The following SKAP1 variants were observed in gnomAD, a reference collection of about 807,000 sequenced individuals.
The protein encoded by SKAP1 is src kinase associated phosphoprotein 1.
Under a neutral mutation model 58.5 loss-of-function variants are expected in SKAP1, and 44 were observed. That is an observed-to-expected ratio of 0.75 (90% CI 0.59 to 0.97). SKAP1 has a LOEUF of 0.97. Ranked by LOEUF, SKAP1 falls within the 50% of genes least tolerant of loss-of-function variation. The pLI is 0.00. For missense variants in SKAP1, 390 were observed against 435.2 expected, an observed-to-expected ratio of 0.90 and a Z score of 0.92; for synonymous variants, 127 against 149.7, an observed-to-expected ratio of 0.85 and a Z score of 1.11.
chr17:48,385,624 T>C (rs1324839677), intron 2 of SKAP1, among the ~76,000 whole-genome samples: 1 of 151,596 alleles, frequency 6.6e-6, no homozygotes, highest in African/African-American at 2.4e-5. Flanking sequence ...AGGGGAGAGG[T>C]CTGAAGCAAG....
upstream of SKAP1, among the ~76,000 whole-genome samples, chr17:48,432,595 C>T (rs1178897529): frequency 2.0e-5 from 3 of 152,110 alleles, no homozygotes; most frequent in Non-Finnish European, 4.4e-5. Flanking sequence ...ATGAGGCATA[C>T]TAAAAAGCAA....
intron 3 of SKAP1, among the ~76,000 whole-genome samples, chr17:48,352,497 A>G (rs963216022): frequency 2.0e-4 from 31 of 152,182 alleles, no homozygotes; most frequent in African/African-American, 7.2e-4. Flanking sequence ...ATAATCTGGA[A>G]TTATTGGCTC....
chr17:48,331,021 G>T (rs1005521651), intron 4 of SKAP1, among the ~76,000 whole-genome samples: 5 of 152,104 alleles, frequency 3.3e-5, no homozygotes, highest in African/African-American at 1.2e-4. Flanking sequence ...AGTTTGGGGG[G>T]ATATTTATCA....
At chr17:48,384,913 C>T (rs911286309) in intron 2 of SKAP1, among the ~76,000 whole-genome samples, 6 of 152,048 alleles carry the variant, frequency 3.9e-5, no homozygotes, top group African/African-American at 1.5e-4. Context: ...TATGGACATG[C>T]ATGTAACTGC....
At chr17:48,211,038 G>A (rs2064865598) in intron 4 of SKAP1, among the ~76,000 whole-genome samples, 1 of 151,494 alleles carries the variant, frequency 6.6e-6, no homozygotes, top group African/African-American at 2.4e-5. Context: ...AGGAATGGGA[G>A]GGCACTTCAT....
chr17:48,231,605 G>T (rs959095524), intron 4 of SKAP1, among the ~76,000 whole-genome samples: 5 of 152,024 alleles, frequency 3.3e-5, no homozygotes, highest in African/African-American at 1.2e-4. Context: ...TGAAATATTT[G>T]AAGGGTTGTC....
intron 4 of SKAP1, among the ~76,000 whole-genome samples, chr17:48,335,458 G>A (rs1252137393): frequency 6.6e-6 from 1 of 151,856 alleles, no homozygotes; most frequent in East Asian, 1.9e-4. Context: ...ATAATTTTTT[G>A]CTACCTGTAA....
chr17:48,324,337 A>G (rs1361301516), intron 4 of SKAP1, among the ~76,000 whole-genome samples: 1 of 152,110 alleles, frequency 6.6e-6, no homozygotes, highest in East Asian at 1.9e-4. Context: ...AATTTATTAA[A>G]CCAATCCCAT....
upstream of SKAP1, among the ~76,000 whole-genome samples, chr17:48,431,333 G>C (rs943479811): frequency 9.2e-5 from 14 of 152,164 alleles, no homozygotes; most frequent in Non-Finnish European, 2.9e-5. Flanking sequence ...AAAATAAAAA[G>C]AAGTGCCAGT....
At chr17:48,320,680 G>A (rs527314613) in intron 4 of SKAP1, among the ~76,000 whole-genome samples, 6 of 152,240 alleles carry the variant, frequency 3.9e-5, no homozygotes, top group East Asian at 1.9e-4. Flanking sequence ...TTTGGGAGCC[G>A]AGGCAGAAGG....
intron 4 of SKAP1, among the ~76,000 whole-genome samples, chr17:48,285,498 T>G (rs970022135): frequency 6.6e-6 from 1 of 151,780 alleles, no homozygotes; most frequent in Non-Finnish European, 1.5e-5. Flanking sequence ...GCGTGTAATC[T>G]CAACTACTCA....
At chr17:48,167,479 T>G (rs951190516) in intron 10 of SKAP1, among the ~76,000 whole-genome samples, 1 of 152,220 alleles carries the variant, frequency 6.6e-6, no homozygotes, top group African/African-American at 2.4e-5. Flanking sequence ...CCTCTGTGGT[T>G]TCCCTTTGTT....
At chr17:48,146,154 G>A (rs1035761682) in intron 11 of SKAP1, among the ~76,000 whole-genome samples, 7 of 151,994 alleles carry the variant, frequency 4.6e-5, no homozygotes, top group African/African-American at 1.7e-4. Flanking sequence ...CCCAGGGTGG[G>A]TATCCTCGCG....
chr17:48,243,220 T>C (rs1308132852), intron 4 of SKAP1, among the ~76,000 whole-genome samples: 1 of 152,136 alleles, frequency 6.6e-6, no homozygotes, highest in African/African-American at 2.4e-5. Context: ...AATTCTCTGG[T>C]GAAAAATGCT....
chr17:48,419,764 G>A (rs148809779), intron 1 of SKAP1, among the ~76,000 whole-genome samples: 302 of 151,678 alleles, frequency 2.0e-3, no homozygotes, highest in Admixed American at 3.7e-3. Flanking sequence ...ATGTGCCATT[G>A]GATATATTTT....
chr17:48,281,781 C>T (rs182534214), intron 4 of SKAP1, among the ~76,000 whole-genome samples: 8 of 151,780 alleles, frequency 5.3e-5, no homozygotes, highest in Admixed American at 3.9e-4. Flanking sequence ...AAATATATGC[C>T]ATTAGGCATG....
chr17:48,176,037 G>GTCCT (rs2064285298), intron 9 of SKAP1, among the ~76,000 whole-genome samples: 1 of 152,056 alleles, frequency 6.6e-6, no homozygotes, highest in Non-Finnish European at 1.5e-5. Context: ...CCTTCCTGTG[G>GTCCT]GTCTGAACAA....
chr17:48,260,706 C>T (rs1598481554), intron 4 of SKAP1, among the ~76,000 whole-genome samples: 1 of 152,216 alleles, frequency 6.6e-6, no homozygotes, highest in East Asian at 1.9e-4. Context: ...AAGTTAATGA[C>T]ATTATTTATA....
chr17:48,400,203 A>G (rs1368854871), intron 1 of SKAP1, among the ~76,000 whole-genome samples: 2 of 151,400 alleles, frequency 1.3e-5, no homozygotes, highest in African/African-American at 4.9e-5. Context: ...GGTTCAAGCA[A>G]TTCTCTTGCC....
Sources: allele counts gnomAD v4.1 joint callset (sites outside exome capture counted in the v4.1 genomes callset), GRCh38; gene constraint gnomAD v4.1.1; transcripts MANE v1.5; gene names NCBI Gene and HGNC (gene_info 2026-07-23, HGNC 2026-07-21).